Variants in ANO3 observed in about 807,000 individuals in gnomAD.
ANO3 encodes anoctamin-3.
A neutral mutation model predicts 144.8 loss-of-function variants in ANO3; 99 were observed. The ratio of observed to expected loss-of-function variants is 0.68; its 90% CI spans 0.58 to 0.81. The LOEUF (loss-of-function observed/expected upper bound fraction) is 0.81, where lower values mean the gene tolerates loss of function less well. Ranked by LOEUF, ANO3 falls within the 30% of genes least tolerant of loss-of-function variation. The pLI is 0.00. For synonymous variants in ANO3, 414 were observed against 392.6 expected (o/e 1.05, Z -0.64); for missense variants, 905 against 1,202.2 (o/e 0.75, Z 3.66).
At chr11:26,227,649 G>A (rs1034115654) in intron 1 of ANO3, among the ~76,000 whole-genome samples, 2 of 152,092 alleles carry the variant, frequency 1.3e-5, no homozygotes, top group African/African-American at 4.8e-5. Flanking sequence ...ACATAATCGA[G>A]AGTGACAGAA....
intron 3 of ANO3, among the ~76,000 whole-genome samples, chr11:26,456,285 G>A (rs952222683): frequency 2.6e-5 from 4 of 152,198 alleles, no homozygotes; most frequent in South Asian, 2.1e-4. Context: ...GAGTGAACAG[G>A]CAACCTACAA....
intron 17 of ANO3, among the ~76,000 whole-genome samples, chr11:26,621,502 C>A (rs1852414762): frequency 6.6e-6 from 1 of 152,142 alleles, no homozygotes; most frequent in African/African-American, 2.4e-5. Context: ...ATGCTACCCT[C>A]TGAATACTTT....
At chr11:26,424,963 G>T (rs917914782) in intron 1 of ANO3, among the ~76,000 whole-genome samples, 1 of 151,954 alleles carries the variant, frequency 6.6e-6, no homozygotes. Flanking sequence ...ATGTATACAT[G>T]TGCCATGTTG....
intron 6 of ANO3, among the ~76,000 whole-genome samples, chr11:26,523,555 A>C (rs1417429185): frequency 6.6e-6 from 1 of 152,212 alleles, no homozygotes; most frequent in Non-Finnish European, 1.5e-5. Context: ...ATACATTTCA[A>C]AGAGAGGAGA....
chr11:26,355,837 G>A (rs1855768277), intron 1 of ANO3, among the ~76,000 whole-genome samples: 1 of 152,124 alleles, frequency 6.6e-6, no homozygotes, highest in Non-Finnish European at 1.5e-5. Context: ...TGGGATTACA[G>A]GCGTGAGCCA....
rs1751156529 is a variant in ANO3 at position 26,662,804 on chromosome 11, T to C, written c.*2360T>C. 1 of 152,426 alleles carries C rather than the reference T, an allele frequency of 6.6e-6. No homozygotes were observed. The highest frequency in any genetic ancestry group is 2.4e-5 in the African/African-American group (1 of 41,430). The allele number at this position is 152,426 out of a possible 1,614,324, so 9.4% of individuals were successfully genotyped here. On this transcript the variant is annotated 3_prime_UTR_variant, in exon 27 of 27. Coordinates refer to ENST00000256737, the MANE Select transcript of ANO3 (RefSeq NM_031418.4). ...AATCTAGTTATGCCTTCATCACTGTTGACAGTAAATACTGACAGCCCCTTG... is the reference window on the plus strand; with the variant it reads ...AATCTAGTTATGCCTTCATCACTGTCGACAGTAAATACTGACAGCCCCTTG...
Position 26,633,741 on chromosome 11 carries a change from A to G in ANO3, c.1874-463A>G, listed in dbSNP as rs1156333113. 3.3e-5 allele frequency among the ~76,000 whole-genome samples: 5 copies of G among 152,310 alleles called. No homozygotes were observed. In the East Asian group the frequency reaches 9.7e-4, roughly 29 times the overall value. On this transcript the variant is annotated intron_variant, in intron 18 of 26. Transcript: ENST00000256737. ...AGATATTATCATTCACATTTTACAG[A>G]CACAGATGCTAGAAATCAGCAAAAC...
At chr11:26,456,887 A>G (rs1188597899) in intron 3 of ANO3, among the ~76,000 whole-genome samples, 2 of 144,718 alleles carry the variant, frequency 1.4e-5, no homozygotes, top group African/African-American at 5.2e-5. Context: ...ATGGAATACT[A>G]TGCAGCCATA....
intron 14 of ANO3, chr11:26,565,232 A>T (rs754167116): frequency 6.5e-7 from 1 of 1,541,528 alleles, no homozygotes; most frequent in Admixed American, 2.1e-5. Flanking sequence ...TAGGCTGTAG[A>T]GTTGTTTTTT....
intron 5 of ANO3, among the ~76,000 whole-genome samples, chr11:26,512,592 T>C (rs996731243): frequency 3.9e-5 from 6 of 152,206 alleles, no homozygotes; most frequent in African/African-American, 1.4e-4. Flanking sequence ...GTTATTCCTG[T>C]TGGTTGATAA....
At chr11:26,378,403 T>TA (rs1488227925) in intron 1 of ANO3, among the ~76,000 whole-genome samples, 4 of 104,352 alleles carry the variant, frequency 3.8e-5, no homozygotes, top group Admixed American at 2.5e-4. Flanking sequence ...ATATATTATC[T>TA]ATCTATATAT....
At chr11:26,489,313 T>C (rs974037028) in intron 4 of ANO3, among the ~76,000 whole-genome samples, 2 of 152,196 alleles carry the variant, frequency 1.3e-5, no homozygotes, top group African/African-American at 4.8e-5. Flanking sequence ...CACAGAAGAA[T>C]TGAGGTTTGG....
chr11:26,564,770 T>TCTG, intron 14 of ANO3, among the ~76,000 whole-genome samples: 1 of 104,456 alleles, frequency 9.6e-6, no homozygotes, highest in Non-Finnish European at 2.0e-5. Context: ...TATATATATA[T>TCTG]ATATATATAT....
intron 1 of ANO3, among the ~76,000 whole-genome samples, chr11:26,365,671 T>C (rs1221932748): frequency 6.6e-6 from 1 of 152,188 alleles, no homozygotes; most frequent in Non-Finnish European, 1.5e-5. Context: ...TGGACGCCTT[T>C]GAGCTGAGGC....
At chr11:26,462,760 C>G (rs1356169423) in intron 3 of ANO3, among the ~76,000 whole-genome samples, 1 of 151,720 alleles carries the variant, frequency 6.6e-6, no homozygotes, top group Non-Finnish European at 1.5e-5. Flanking sequence ...ATTTGAAGTA[C>G]ATTGAATAGC....
chr11:26,462,994 T>G, intron 3 of ANO3, 36 bp from the exon 4 acceptor site: 1 of 1,119,072 alleles, frequency 8.9e-7, no homozygotes, highest in Non-Finnish European at 1.3e-6. Context: ...AGAAAAACTA[T>G]AGAAATGGAT....
At chr11:26,514,200 G>A (rs1405040415) in intron 5 of ANO3, among the ~76,000 whole-genome samples, 1 of 151,908 alleles carries the variant, frequency 6.6e-6, no homozygotes, top group Non-Finnish European at 1.5e-5. Context: ...ATAGGTTAAT[G>A]CTGCCTTTAT....
At chr11:26,585,820 A>G (rs1045401710) in intron 14 of ANO3, among the ~76,000 whole-genome samples, 1 of 152,246 alleles carries the variant, frequency 6.6e-6, no homozygotes, top group Non-Finnish European at 1.5e-5. Context: ...ACTGAAGGTT[A>G]ATAACAATAG....
intron 1 of ANO3, among the ~76,000 whole-genome samples, chr11:26,408,968 A>G (rs1169786745): frequency 6.6e-6 from 1 of 150,790 alleles, no homozygotes; most frequent in East Asian, 2.0e-4. Context: ...CACTCCGGGG[A>G]CTGTTGTGGG....
Sources: gnomAD v4.1 joint callset for allele counts (sites outside exome capture counted in the v4.1 genomes callset) on GRCh38, gnomAD v4.1.1 for gene constraint, MANE v1.5 for transcripts, NCBI Gene and HGNC (gene_info 2026-07-23, HGNC 2026-07-21) for gene names.